Variants in CDH13 observed in about 807,000 individuals in gnomAD.
The protein encoded by CDH13 is cadherin-13.
In CDH13, 24 loss-of-function variants were observed where a neutral mutation model predicts 63.8. The observed-to-expected ratio is 0.38, with a 90% CI of 0.27 to 0.53. CDH13 has a LOEUF of 0.53. CDH13 is among the 20% of genes least tolerant of loss of function. The probability of loss-of-function intolerance (pLI) is 0.85; values close to 1 mark genes in which losing one functional copy is unlikely to be tolerated. For missense variants in CDH13, 1,049 were observed against 903.1 expected (o/e 1.16, Z -2.07); for synonymous variants, 503 against 355.3 (o/e 1.42, Z -4.67).
intron 6 of CDH13, among the ~76,000 whole-genome samples, chr16:83,472,625 C>T (rs1448751407): frequency 6.6e-6 from 1 of 152,172 alleles, no homozygotes; most frequent in Non-Finnish European, 1.5e-5. Context: ...TGCCTTTGGT[C>T]TCTCTTCTGC....
Position 82,658,671 on chromosome 16 carries a change from T to C in CDH13, c.45+31534T>C, listed in dbSNP as rs530930244. 4.6e-5 allele frequency among the ~76,000 whole-genome samples: 7 copies of C among 152,324 alleles called. No homozygotes were observed. In the South Asian group the frequency reaches 6.2e-4, roughly 14 times the overall value. On this transcript the variant is annotated intron_variant, in intron 1 of 13. Coordinates refer to ENST00000567109, the MANE Select transcript of CDH13 (RefSeq NM_001257.5). ...AAGGGTGGTTGCGTGGGTTAAATTA[T>C]ACCTAAAGAACTTAGCACCCCACTC...
At chr16:83,614,092 A>T (rs1417038774) in intron 8 of CDH13, among the ~76,000 whole-genome samples, 2 of 152,062 alleles carry the variant, frequency 1.3e-5, no homozygotes, top group African/African-American at 4.8e-5. Context: ...ATACCTAGGA[A>T]TTTTTTAATT....
At chr16:83,575,801 AT>A (rs1283536560) in intron 7 of CDH13, among the ~76,000 whole-genome samples, 1 of 152,238 alleles carries the variant, frequency 6.6e-6, no homozygotes, top group Non-Finnish European at 1.5e-5. Flanking sequence ...GCATAAACTT[AT>A]ATGATTAATA....
At chr16:83,422,165 TTAGA>T (rs2071734868) in intron 6 of CDH13, among the ~76,000 whole-genome samples, 1 of 152,224 alleles carries the variant, frequency 6.6e-6, no homozygotes, top group African/African-American at 2.4e-5. Flanking sequence ...TCCCCTTTAA[TTAGA>T]TATTCTAGAA....
At chr16:83,089,369 C>T (rs997843858) in intron 3 of CDH13, among the ~76,000 whole-genome samples, 2 of 152,202 alleles carry the variant, frequency 1.3e-5, no homozygotes, top group Non-Finnish European at 2.9e-5. Flanking sequence ...TCACCATGCA[C>T]CTATTGTGTG....
intron 7 of CDH13, among the ~76,000 whole-genome samples, chr16:83,515,535 G>C (rs2074680508): frequency 6.6e-6 from 1 of 152,194 alleles, no homozygotes; most frequent in Non-Finnish European, 1.5e-5. Context: ...ATACAAGCTA[G>C]AAAAAGATAC....
chr16:83,058,566 G>A (rs984848140), intron 3 of CDH13, among the ~76,000 whole-genome samples: 51 of 152,154 alleles, frequency 3.4e-4, no homozygotes, highest in African/African-American at 1.2e-3. Flanking sequence ...GCTGGTGAGG[G>A]CTGGACTTTA....
At chr16:83,347,172 G>A (rs544059635) in intron 6 of CDH13, among the ~76,000 whole-genome samples, 1 of 152,104 alleles carries the variant, frequency 6.6e-6, no homozygotes, top group Non-Finnish European at 1.5e-5. Flanking sequence ...TGAAGAAGAC[G>A]GTATCCTCTT....
chr16:83,026,400 C>T (rs1346574933), intron 2 of CDH13, among the ~76,000 whole-genome samples: 22 of 152,178 alleles, frequency 1.4e-4, no homozygotes, highest in Admixed American at 1.2e-3. Flanking sequence ...AGTCTCTTCT[C>T]CTGTAAAATA....
intron 3 of CDH13, among the ~76,000 whole-genome samples, chr16:83,116,420 G>A (rs982355335): frequency 2.0e-5 from 3 of 152,200 alleles, no homozygotes; most frequent in Non-Finnish European, 2.9e-5. Flanking sequence ...TGTCCCCTGA[G>A]CATGGTCCCA....
At chr16:83,528,303 T>C (rs1421740606) in intron 7 of CDH13, among the ~76,000 whole-genome samples, 1 of 152,208 alleles carries the variant, frequency 6.6e-6, no homozygotes, top group African/African-American at 2.4e-5. Flanking sequence ...ACATTTTAAA[T>C]GGGAAACTGT....
intron 1 of CDH13, among the ~76,000 whole-genome samples, chr16:82,813,597 G>T (rs2037556889): frequency 6.6e-6 from 1 of 152,132 alleles, no homozygotes; most frequent in African/African-American, 2.4e-5. Flanking sequence ...GAGGCTGCTT[G>T]TGGCCACTCG....
At chr16:83,120,478 C>T (rs543005188) in intron 3 of CDH13, among the ~76,000 whole-genome samples, 2 of 152,292 alleles carry the variant, frequency 1.3e-5, no homozygotes, top group African/African-American at 4.8e-5. Flanking sequence ...ACTTTGGACA[C>T]ATTTAGACAT....
intron 6 of CDH13, among the ~76,000 whole-genome samples, chr16:83,429,794 C>G (rs1353810412): frequency 6.6e-6 from 1 of 152,180 alleles, no homozygotes; most frequent in Non-Finnish European, 1.5e-5. Flanking sequence ...GAACACTTAA[C>G]ATGAGCTCTA....
chr16:82,651,478 GTCTTCTGAC>G (rs1910713905), intron 1 of CDH13, among the ~76,000 whole-genome samples: 1 of 152,166 alleles, frequency 6.6e-6, no homozygotes, highest in African/African-American at 2.4e-5. Context: ...TTGAATCCAG[GTCTTCTGAC>G]TCCATATTAC....
chr16:83,337,226 C>G (rs1249837154), intron 5 of CDH13, among the ~76,000 whole-genome samples: 1 of 152,172 alleles, frequency 6.6e-6, no homozygotes, highest in African/African-American at 2.4e-5. Context: ...TGGATACCTG[C>G]TCACCCAACC....
rs552200585 is a variant in CDH13 at position 83,104,625 on chromosome 16, G to A, written c.367-20760G>A. 5.2e-4 allele frequency among the ~76,000 whole-genome samples: 79 copies of A among 152,138 alleles called. 1 individual carries two copies. The highest frequency in any genetic ancestry group is 4.1e-4 in the Non-Finnish European group (28 of 68,006). The stretch of plus-strand genomic sequence containing the variant: ...AAGAAGAAATGTACCAGGCGGTGGC[G>A]GGGGTGGGCGGGGGAAATAGTGTAA... On this transcript the variant is annotated intron_variant, in intron 3 of 13. Coordinates refer to ENST00000567109, the MANE Select transcript of CDH13 (RefSeq NM_001257.5).
intron 2 of CDH13, among the ~76,000 whole-genome samples, chr16:83,006,616 A>C (rs761221732): frequency 2.0e-5 from 3 of 152,138 alleles, no homozygotes; most frequent in African/African-American, 2.4e-5. Context: ...TTTTGTAACC[A>C]CTGGTTTCCC....
At chr16:82,939,799 GATA>G (rs1193928285) in intron 2 of CDH13, among the ~76,000 whole-genome samples, 8 of 152,034 alleles carry the variant, frequency 5.3e-5, no homozygotes, top group African/African-American at 1.4e-4. Context: ...TAATATTGTT[GATA>G]ATATTTGTCA....
Sources: gnomAD v4.1 joint callset for allele counts (sites outside exome capture counted in the v4.1 genomes callset) on GRCh38, gnomAD v4.1.1 for gene constraint, MANE v1.5 for transcripts, NCBI Gene and HGNC (gene_info 2026-07-23, HGNC 2026-07-21) for gene names.